Variants in NELL2 observed in about 807,000 individuals in gnomAD.
NELL2 encodes the protein neural EGFL like 2, also known as protein kinase C-binding protein NELL2.
A neutral mutation model predicts 109.6 loss-of-function variants in NELL2; 41 were observed. That is an observed-to-expected ratio of 0.37 (90% CI 0.29 to 0.49). The LOEUF is 0.49. Ranked by LOEUF, NELL2 falls within the 20% of genes least tolerant of loss-of-function variation. NELL2 has a pLI of 0.98. For missense variants in NELL2, 900 were observed against 1,008.3 expected (o/e 0.89, Z 1.45); for synonymous variants, 355 against 344.7 (o/e 1.03, Z -0.33).
chr12:44,904,510 C>A (rs1339255326), intron 1 of NELL2, among the ~76,000 whole-genome samples: 9 of 151,924 alleles, frequency 5.9e-5, no homozygotes, highest in African/African-American at 2.2e-4. Context: ...CCTTGAAGAT[C>A]AAAAAACAAA....
intron 9 of NELL2, among the ~76,000 whole-genome samples, chr12:44,728,045 A>T (rs745309872): frequency 1.5e-4 from 23 of 151,930 alleles, no homozygotes; most frequent in East Asian, 1.9e-4. Flanking sequence ...CACACACAAA[A>T]TTATTACTTT....
intron 16 of NELL2, among the ~76,000 whole-genome samples, chr12:44,528,702 CATAA>C (rs1425556812): frequency 6.6e-6 from 1 of 152,168 alleles, no homozygotes; most frequent in Non-Finnish European, 1.5e-5. Context: ...CAAGCAAACA[CATAA>C]ATACATACTA....
intron 12 of NELL2, among the ~76,000 whole-genome samples, chr12:44,671,762 A>G (rs913737379): frequency 1.3e-5 from 2 of 152,204 alleles, no homozygotes; most frequent in Non-Finnish European, 2.9e-5. Flanking sequence ...ACAAGACTGG[A>G]TCGGGAATAA....
At chr12:44,580,510 A>G (rs992172082) in intron 15 of NELL2, among the ~76,000 whole-genome samples, 1 of 152,152 alleles carries the variant, frequency 6.6e-6, no homozygotes, top group Non-Finnish European at 1.5e-5. Context: ...TGAGCTCGGG[A>G]GTTCGAAACC....
chr12:44,714,873 A>T, intron 9 of NELL2, 132 bp from the exon 10 acceptor site: 1 of 465,884 alleles, frequency 2.1e-6, no homozygotes, highest in South Asian at 5.6e-5. Context: ...AGAAACCTCA[A>T]TTCAATCTAC....
chr12:44,549,643 G>T (rs1343624562), intron 15 of NELL2, among the ~76,000 whole-genome samples: 3 of 151,952 alleles, frequency 2.0e-5, no homozygotes, highest in Non-Finnish European at 2.9e-5. Flanking sequence ...TGAAAAAGAA[G>T]TTCAGAAAAC....
upstream of NELL2, among the ~76,000 whole-genome samples, chr12:44,918,454 T>G (rs1232296739): frequency 2.0e-5 from 3 of 151,906 alleles, no homozygotes; most frequent in Non-Finnish European, 4.4e-5. Flanking sequence ...TAGTTTGTAT[T>G]ACTCACTTGA....
intron 15 of NELL2, among the ~76,000 whole-genome samples, chr12:44,538,872 T>A (rs974939022): frequency 1.3e-5 from 2 of 152,196 alleles, no homozygotes; most frequent in Non-Finnish European, 2.9e-5. Flanking sequence ...AATCTGATTT[T>A]TCTTTTGGTT....
At chr12:44,635,436 A>G (rs192069062) in intron 13 of NELL2, among the ~76,000 whole-genome samples, 2 of 152,268 alleles carry the variant, frequency 1.3e-5, no homozygotes, top group East Asian at 3.9e-4. Context: ...TAAGTCTTTA[A>G]TGCATCTTGA....
At chr12:44,895,569 T>C (rs921464676) in intron 1 of NELL2, among the ~76,000 whole-genome samples, 4 of 152,188 alleles carry the variant, frequency 2.6e-5, no homozygotes, top group Non-Finnish European at 5.9e-5. Context: ...CTCATGTAGC[T>C]GAATTAGAAG....
chr12:44,590,584 T>C (rs1365083768), intron 15 of NELL2, among the ~76,000 whole-genome samples: 1 of 152,206 alleles, frequency 6.6e-6, no homozygotes, highest in Non-Finnish European at 1.5e-5. Context: ...TTTCATAAAA[T>C]ACTGGATTGG....
intron 1 of NELL2, among the ~76,000 whole-genome samples, chr12:44,889,552 G>A (rs1945510331): frequency 1.3e-5 from 2 of 151,954 alleles, no homozygotes; most frequent in Admixed American, 6.6e-5. Context: ...TCCTGTTTAA[G>A]GTTTTCTATT....
intron 9 of NELL2, among the ~76,000 whole-genome samples, chr12:44,744,937 T>G (rs974630404): frequency 1.1e-4 from 17 of 152,178 alleles, no homozygotes; most frequent in African/African-American, 3.6e-4. Flanking sequence ...GAGGGAATCC[T>G]CCCTAACTCA....
chr12:44,570,223 G>T (rs1450863484), intron 15 of NELL2, among the ~76,000 whole-genome samples: 7 of 152,088 alleles, frequency 4.6e-5, no homozygotes, highest in African/African-American at 1.7e-4. Flanking sequence ...ACCCCCACAG[G>T]TCCCACTAAA....
At chr12:44,566,142 TAGTTTGAATTACAAAGTAATTCA>T (rs1943649476) in intron 15 of NELL2, among the ~76,000 whole-genome samples, 1 of 152,130 alleles carries the variant, frequency 6.6e-6, no homozygotes, top group Non-Finnish European at 1.5e-5. Flanking sequence ...ATTCAAAAGC[TAGTTTGAATTACAAAGTAATTCA>T]AAATTACATA....
intron 3 of NELL2, among the ~76,000 whole-genome samples, chr12:44,810,095 C>T (rs1266429072): frequency 6.6e-6 from 1 of 152,068 alleles, no homozygotes; most frequent in Non-Finnish European, 1.5e-5. Flanking sequence ...TCCTACCACT[C>T]TAGCTTGATG....
chr12:44,540,556 T>C (rs1191610081), intron 15 of NELL2, among the ~76,000 whole-genome samples: 2 of 151,934 alleles, frequency 1.3e-5, no homozygotes, highest in Non-Finnish European at 2.9e-5. Flanking sequence ...AACCTACTCA[T>C]CTCCTCCCAC....
chr12:44,543,754 C>G (rs1311149969), intron 15 of NELL2, among the ~76,000 whole-genome samples: 1 of 152,156 alleles, frequency 6.6e-6, no homozygotes, highest in Non-Finnish European at 1.5e-5. Flanking sequence ...GCTCTGGTTT[C>G]TCTACCAATT....
chr12:44,613,880 G>T (rs569888945), intron 13 of NELL2, among the ~76,000 whole-genome samples: 5 of 151,980 alleles, frequency 3.3e-5, no homozygotes, highest in African/African-American at 9.6e-5. Flanking sequence ...ACTTCCTTGA[G>T]GACTCCACCA....
Sources: gnomAD v4.1 joint callset for allele counts (sites outside exome capture counted in the v4.1 genomes callset) on GRCh38, gnomAD v4.1.1 for gene constraint, MANE v1.5 for transcripts, NCBI Gene and HGNC (gene_info 2026-07-23, HGNC 2026-07-21) for gene names.